Variants in TARDBP observed in about 807,000 individuals in gnomAD.
TARDBP encodes the protein TAR DNA-binding protein 43.
In TARDBP, 4 loss-of-function variants were observed where a neutral mutation model predicts 38.3. That is an observed-to-expected ratio of 0.10 (90% confidence interval 0.05 to 0.24). The LOEUF (loss-of-function observed/expected upper bound fraction) is 0.24, where lower values mean the gene tolerates loss of function less well. TARDBP is among the 10% of genes least tolerant of loss of function. TARDBP has a pLI of 1.00. For synonymous variants in TARDBP, 184 were observed against 183.8 expected, an observed-to-expected ratio of 1.00 and a Z score of -0.01; for missense variants, 202 against 521.9, an observed-to-expected ratio of 0.39 and a Z score of 5.97.
chr1:11,030,284 T>C, downstream of TARDBP: 2 of 1,461,996 alleles, frequency 1.4e-6, no homozygotes, highest in Non-Finnish European at 1.9e-6. Context: ...AATGTTTAAC[T>C]GCATGTATAA....
At position 11,022,048 on chromosome 1, in the gene TARDBP, TC is replaced by T. The variant is rs1643649412; in HGVS notation, c.715-75del. 1 of 1,552,818 alleles carries T rather than the reference TC, an allele frequency of 6.4e-7. No individual in the cohort carries two copies. Among genetic ancestry groups the T allele is most frequent in the Admixed American group, 1.7e-5 (1 of 58,916 alleles). ...GCTTTAGATAAATTAATGCTTGTAA[TC>T]TAAGTTTTGTTGCTACTTTAAATAT... On this transcript the variant is annotated intron_variant, in intron 5 of 5. Coordinates refer to ENST00000240185, the MANE Select transcript of TARDBP (RefSeq NM_007375.4). This position sits in a 1 kb window ranked among gnomAD's most constrained non-coding sequence, Gnocchi z 4.5.
At chr1:11,027,211 C>G, downstream of TARDBP, 1 of 1,614,058 alleles carries the variant, frequency 6.2e-7, no homozygotes. Flanking sequence ...GCAAGAAAAC[C>G]CCTTTGGGTT....
Position 11,025,231 on chromosome 1 carries a change from T to C in TARDBP, c.*2577T>C, listed in dbSNP as rs1221471802. ...GGGGTAAGTTAACTTGTCAACGGCA[T>C]GGTTTAATCCCTTCTTTACACTTGT... On this transcript the variant is annotated 3_prime_UTR_variant, in exon 6 of 6. Transcript: ENST00000240185. The C allele has an allele frequency of 6.6e-6, 1 of 152,656 alleles. No individual in the cohort carries two copies. Among genetic ancestry groups the C allele is most frequent in the African/African-American group, 2.4e-5 (1 of 41,456 alleles). The allele number at this position is 152,656 out of a possible 1,614,324, so 9.5% of individuals were successfully genotyped here. A position where few individuals can be genotyped will look rare whatever the true frequency, so the allele number is the denominator to read the frequency against.
At chr1:11,013,610 G>A in intron 1 of TARDBP, 106 bp from the exon 2 acceptor site, 1 of 938,518 alleles carries the variant, frequency 1.1e-6, no homozygotes. Context: ...ATCCAGACAA[G>A]CATTTTTCTG....
At chr1:11,017,206 T>C (rs1261989830) in intron 3 of TARDBP, among the ~76,000 whole-genome samples, 199 bp downstream of exon 3, 1 of 149,072 alleles carries the variant, frequency 6.7e-6, no homozygotes, top group African/African-American at 2.5e-5. Flanking sequence ...ACCTTTCTTT[T>C]TTTTTTTTTT....
At chr1:11,027,635 T>C (rs1374957463), downstream of TARDBP, 1 of 1,604,996 alleles carries the variant, frequency 6.2e-7, no homozygotes, top group Admixed American at 1.7e-5. Flanking sequence ...TTGTGCGGGC[T>C]GATAGTCCAC....
chr1:11,030,031 A>T, downstream of TARDBP: 1 of 604,390 alleles, frequency 1.7e-6, no homozygotes, highest in Non-Finnish European at 2.9e-6. Context: ...GGTAATGAGA[A>T]CATACTATTT....
chr1:11,021,363 ACTC>A (rs1643635113), intron 5 of TARDBP, among the ~76,000 whole-genome samples: 1 of 150,894 alleles, frequency 6.6e-6, no homozygotes, highest in Non-Finnish European at 1.5e-5. Context: ...CTGGTCTCGA[ACTC>A]CTGACCTCAG....
chr1:11,028,707 T>G (rs1169033021), downstream of TARDBP, among the ~76,000 whole-genome samples: 311 of 3,488 alleles, frequency 0.089, 5 homozygotes, highest in African/African-American at 0.34. Context: ...GTTTTTTTTC[T>G]TTTTTTTTTT....
At chr1:11,027,272 A>C (rs1310619935), downstream of TARDBP, 2 of 1,614,062 alleles carry the variant, frequency 1.2e-6, no homozygotes, top group South Asian at 2.2e-5. Context: ...TAAAGGATTC[A>C]GCTTCTTTTC....
rs895557533 is a variant in TARDBP at position 11,012,681 on chromosome 1, G to A, written c.-75G>A. 6.6e-6 allele frequency: 1 copy of A among 152,272 alleles called. No individual in the cohort carries two copies. Among genetic ancestry groups the A allele is most frequent in the African/African-American group, 2.4e-5 (1 of 41,470 alleles). The allele number at this position is 152,272 out of a possible 1,614,324, so 9.4% of individuals were successfully genotyped here. ...TTTGTGGGAGCGAAGCGGTGGCTGG[G>A]CTGCGCTTGGGTCCGTCGCTGCTTC... On this transcript the variant is annotated 5_prime_UTR_variant, in exon 1 of 6. Transcript: ENST00000240185.
chr1:11,027,260 CAT>C (rs765848004), downstream of TARDBP: 4 of 1,614,138 alleles, frequency 2.5e-6, no homozygotes, highest in Non-Finnish European at 3.4e-6. Context: ...CATCTGTCCT[CAT>C]AAAGGATTCA....
downstream of TARDBP, among the ~76,000 whole-genome samples, chr1:11,029,394 C>T (rs149942981): frequency 4.5e-3 from 677 of 150,388 alleles, 8 homozygotes; most frequent in African/African-American, 0.015. Flanking sequence ...AGCGAGATTC[C>T]GTCTCAAAAA....
chr1:11,016,579 C>G (rs1056545405), intron 2 of TARDBP, among the ~76,000 whole-genome samples: 1 of 152,118 alleles, frequency 6.6e-6, no homozygotes, highest in Admixed American at 6.6e-5. Flanking sequence ...TTTTGATAAA[C>G]CTTTTGAGAG....
chr1:11,018,877 C>A lies in TARDBP; in HGVS notation c.543+4C>A. On this transcript the variant is annotated splice_donor_region_variant and intron_variant, in intron 4 of 5. Transcript: ENST00000240185. ...CTGCAAACTTCCTAATTCTAAGGTA[C>A]TTGCGTCTGTGCTTTGGGAATTTTT... is the stretch of plus-strand genomic sequence containing the variant. 1 of 1,614,024 alleles carries A rather than the reference C, an allele frequency of 6.2e-7. No individual in the cohort carries two copies. The highest frequency in any genetic ancestry group is 8.5e-7 in the Non-Finnish European group (1 of 1,180,022).
downstream of TARDBP, among the ~76,000 whole-genome samples, chr1:11,028,740 G>C (rs1165432103): frequency 4.3e-5 from 6 of 140,794 alleles, no homozygotes; most frequent in Non-Finnish European, 9.0e-5. Flanking sequence ...TTGAGACAGA[G>C]TCTCGCTCTG....
Position 11,017,105 on chromosome 1 carries a change from C to T in TARDBP, c.402+98C>T, listed in dbSNP as rs939724518. The T allele has an allele frequency of 2.5e-5, 35 of 1,385,078 alleles. No homozygotes were observed. In the African/African-American group the frequency reaches 4.0e-4, roughly 16 times the overall value. The allele number at this position is 1,385,078 out of a possible 1,614,324, so 85.8% of individuals were successfully genotyped here. The stretch of plus-strand genomic sequence containing the variant: ...ATAGAGATGGGGTATCACTATGTTC[C>T]CTAGGTTCTGGCGTCAAACTCCTGG... On this transcript the variant is annotated intron_variant, in intron 3 of 5. Coordinates refer to ENST00000240185, the MANE Select transcript of TARDBP (RefSeq NM_007375.4).
downstream of TARDBP, among the ~76,000 whole-genome samples, chr1:11,028,722 T>TTTTTTTTTTTGTTTTG (rs1643787228): frequency 6.7e-6 from 1 of 148,182 alleles, no homozygotes; most frequent in African/African-American, 2.6e-5. Flanking sequence ...TTTTTTTTTT[T>TTTTTTTTTTTGTTTTG]TTTTTTTTTG....
chr1:11,030,330 ATGT>A (rs370974023), downstream of TARDBP: 1,878 of 986,306 alleles, frequency 1.9e-3, 23 homozygotes, highest in African/African-American at 0.025. Context: ...CCCTTGAAAA[ATGT>A]TGATTCTTGA....
Sources: gnomAD v4.1 joint callset for allele counts (sites outside exome capture counted in the v4.1 genomes callset) on GRCh38, gnomAD v4.1.1 for gene constraint, Gnocchi (gnomAD v3.1) non-coding constraint, MANE v1.5 for transcripts, NCBI Gene and HGNC (gene_info 2026-07-23, HGNC 2026-07-21) for gene names.